Variants in CDH18 observed in about 807,000 individuals in gnomAD.
The protein encoded by CDH18 is cadherin 18.
In CDH18, 31 loss-of-function variants were observed where a neutral mutation model predicts 67.9. That is an observed-to-expected ratio of 0.46 (90% confidence interval 0.34 to 0.62). The LOEUF is 0.62. Ranked by LOEUF, CDH18 falls within the 20% of genes least tolerant of loss-of-function variation. CDH18 has a pLI of 0.01. For synonymous variants in CDH18, 362 were observed against 347.2 expected (o/e 1.04, Z -0.48); for missense variants, 890 against 975.5 (o/e 0.91, Z 1.17).
chr5:20,397,009 C>T (rs1024111059), intron 1 of CDH18, among the ~76,000 whole-genome samples: 23 of 151,994 alleles, frequency 1.5e-4, no homozygotes, highest in Admixed American at 2.0e-4. Flanking sequence ...GTTCTTAGCC[C>T]CAACTCAGCA....
chr5:20,178,180 G>T lies in CDH18; in HGVS notation c.-518+77264C>A, dbSNP rs999771822. Among the ~76,000 whole-genome samples, 103 of 152,018 alleles carry T rather than the reference G, an allele frequency of 6.8e-4. 1 individual carries two copies. The highest frequency in any genetic ancestry group is 2.3e-3 in the African/African-American group (97 of 41,458). On this transcript the variant is annotated intron_variant, in intron 2 of 14. Transcript: ENST00000507958. The stretch of plus-strand genomic sequence containing the variant: ...GACATTGGACTTGAATTAAAACATG[G>T]GTGCTTCTCGGAGCTCAAGACTACT...
chr5:20,431,504 A>AAAG (rs1553997937), intron 1 of CDH18, among the ~76,000 whole-genome samples: 11 of 138,744 alleles, frequency 7.9e-5, no homozygotes, highest in Admixed American at 2.9e-4. Flanking sequence ...AAAAAAAAAA[A>AAAG]AAGAAGAAGA....
chr5:20,280,050 A>C (rs905177559), intron 1 of CDH18, among the ~76,000 whole-genome samples: 11 of 152,170 alleles, frequency 7.2e-5, no homozygotes, highest in African/African-American at 2.7e-4. Context: ...TCAAACTAGA[A>C]ATAAAAAGCA....
chr5:20,225,366 T>C (rs544121206), intron 2 of CDH18, among the ~76,000 whole-genome samples: 15 of 152,252 alleles, frequency 9.9e-5, no homozygotes, highest in African/African-American at 3.1e-4. Flanking sequence ...TGATGAATAT[T>C]TGTGGAACGA....
intron 2 of CDH18, among the ~76,000 whole-genome samples, chr5:20,063,791 C>T (rs1014902429): frequency 6.6e-6 from 1 of 152,112 alleles, no homozygotes; most frequent in Non-Finnish European, 1.5e-5. Flanking sequence ...AATGTACCAA[C>T]CTTATACTTT....
intron 2 of CDH18, among the ~76,000 whole-genome samples, chr5:20,153,293 A>G (rs1751266239): frequency 6.6e-6 from 1 of 152,092 alleles, no homozygotes; most frequent in Non-Finnish European, 1.5e-5. Context: ...CAACCCAAGT[A>G]TTAGCTTCCC....
chr5:19,715,641 T>C (rs1482516109), intron 5 of CDH18, among the ~76,000 whole-genome samples: 1 of 152,156 alleles, frequency 6.6e-6, no homozygotes, highest in Admixed American at 6.6e-5. Flanking sequence ...TTGGAAAGAA[T>C]TTAATCGCAT....
At chr5:19,550,796 G>A (rs1207037518) in intron 8 of CDH18, among the ~76,000 whole-genome samples, 9 of 152,096 alleles carry the variant, frequency 5.9e-5, no homozygotes, top group Non-Finnish European at 4.4e-5. Context: ...GGATGGCTGG[G>A]TCAAATGGTA....
At chr5:19,676,615 T>G (rs1759522855) in intron 5 of CDH18, among the ~76,000 whole-genome samples, 1 of 151,874 alleles carries the variant, frequency 6.6e-6, no homozygotes, top group African/African-American at 2.4e-5. Flanking sequence ...CAGGTAATGG[T>G]CTCATGAGCC....
chr5:20,498,819 T>C (rs1754065965), intron 1 of CDH18, among the ~76,000 whole-genome samples: 1 of 152,036 alleles, frequency 6.6e-6, no homozygotes, highest in Admixed American at 6.6e-5. Context: ...AATGCTACAA[T>C]AAGAAAAAAA....
chr5:20,386,138 T>C (rs1369244048), intron 1 of CDH18, among the ~76,000 whole-genome samples: 2 of 152,194 alleles, frequency 1.3e-5, no homozygotes, highest in African/African-American at 2.4e-5. Flanking sequence ...TTTAATCTCA[T>C]TGGTGACTTG....
Position 20,573,806 on chromosome 5 carries a change from AATATATATATATATATATATAT to A in CDH18, c.-580+1634_-580+1655del, listed in dbSNP as rs60858438. Among the ~76,000 whole-genome samples the A allele has an allele frequency of 3.6e-3, 423 of 119,116 alleles. 7 individuals are homozygous for A. Among genetic ancestry groups the A allele is most frequent in the African/African-American group, 0.011 (380 of 35,668 alleles). 78.1% of individuals were successfully genotyped at this position (119,116 alleles called of 152,430 possible). ...TCCCCCAAATATAATACTTAAAAGA[AATATATATATATATATATATAT>A]ATATATATATATATATGTATTTATA... On this transcript the variant is annotated intron_variant, in intron 1 of 14. Coordinates refer to the CDH18 transcript ENST00000507958.
At chr5:20,305,393 C>G (rs1736329152) in intron 1 of CDH18, 1 of 1,547,422 alleles carries the variant, frequency 6.5e-7, no homozygotes, top group South Asian at 1.1e-5. Context: ...ACCTCTTCAG[C>G]TTCATCTTCT....
At chr5:20,130,204 T>C (rs1580310861) in intron 2 of CDH18, among the ~76,000 whole-genome samples, 1 of 151,664 alleles carries the variant, frequency 6.6e-6, no homozygotes, top group African/African-American at 2.4e-5. Flanking sequence ...GTTCTTCCCC[T>C]AGAAAACCAG....
At chr5:20,354,090 T>C (rs1353991748) in intron 1 of CDH18, among the ~76,000 whole-genome samples, 2 of 152,200 alleles carry the variant, frequency 1.3e-5, no homozygotes. Context: ...CTTATCCACT[T>C]TGGATATAGA....
intron 1 of CDH18, among the ~76,000 whole-genome samples, chr5:20,402,704 A>G (rs1388791026): frequency 6.6e-6 from 1 of 152,140 alleles, no homozygotes; most frequent in African/African-American, 2.4e-5. Flanking sequence ...TTCGCTGCAA[A>G]GGGCCTTGCC....
chr5:20,228,729 C>T (rs1480865083), intron 2 of CDH18, among the ~76,000 whole-genome samples: 1 of 152,032 alleles, frequency 6.6e-6, no homozygotes, highest in Non-Finnish European at 1.5e-5. Flanking sequence ...CTTTCTGTGC[C>T]TGGCTTATTT....
intron 2 of CDH18, among the ~76,000 whole-genome samples, chr5:19,964,180 A>G (rs554812651): frequency 1.3e-5 from 2 of 152,304 alleles, no homozygotes; most frequent in Admixed American, 1.3e-4. Context: ...AGAACATGAT[A>G]TAAAAAAGAG....
At chr5:19,870,093 C>T (rs977659494) in intron 2 of CDH18, among the ~76,000 whole-genome samples, 5 of 152,054 alleles carry the variant, frequency 3.3e-5, no homozygotes, top group Non-Finnish European at 5.9e-5. Context: ...TACAAAAATA[C>T]GCCTTAGACA....
Sources: gnomAD v4.1 joint callset for allele counts (sites outside exome capture counted in the v4.1 genomes callset) on GRCh38, gnomAD v4.1.1 for gene constraint, MANE v1.5 for transcripts, NCBI Gene and HGNC (gene_info 2026-07-23, HGNC 2026-07-21) for gene names.